The following CABP1 variants were observed in gnomAD, a reference collection of about 807,000 sequenced individuals.
CABP1 encodes calcium-binding protein 1.
CABP1 carries 17 observed loss-of-function variants against 34.3 expected under a neutral mutation model. The ratio of observed to expected loss-of-function variants is 0.50; its 90% confidence interval spans 0.34 to 0.74. CABP1 has a LOEUF of 0.74. Ranked by LOEUF, CABP1 falls within the 30% of genes least tolerant of loss-of-function variation. The probability of loss-of-function intolerance (pLI) is 0.01; values close to 1 mark genes in which losing one functional copy is unlikely to be tolerated. For missense variants in CABP1, 373 were observed against 511.1 expected (o/e 0.73, Z 2.61); for synonymous variants, 198 against 229.2 (o/e 0.86, Z 1.23).
chr12:120,655,830 C>CGTGTGT (rs746144300), intron 1 of CABP1: 7 of 879,630 alleles, frequency 8.0e-6, no homozygotes, highest in East Asian at 1.5e-4. Context: ...TGCGTGCGTG[C>CGTGTGT]GTGTGTGTGT....
intron 5 of CABP1, 99 bp from the exon 6 acceptor site, chr12:120,666,776 C>T: frequency 7.6e-7 from 1 of 1,309,426 alleles, no homozygotes; most frequent in Non-Finnish European, 1.1e-6. Flanking sequence ...GGGACCAGCA[C>T]AGAGTTGGGG....
downstream of CABP1, among the ~76,000 whole-genome samples, chr12:120,671,158 C>G (rs1001065482): frequency 2.0e-5 from 3 of 152,192 alleles, no homozygotes; most frequent in African/African-American, 7.2e-5. Flanking sequence ...GCAATCCCAG[C>G]ACTTCGGGAG....
downstream of CABP1, among the ~76,000 whole-genome samples, chr12:120,668,355 G>A (rs1488042806): frequency 1.3e-5 from 2 of 152,216 alleles, no homozygotes; most frequent in African/African-American, 4.8e-5. Flanking sequence ...GCCGGGCGTG[G>A]TGGCATGCAC....
chr12:120,677,845 C>A, the CABP1 span, among the ~76,000 whole-genome samples: 1 of 152,208 alleles, frequency 6.6e-6, no homozygotes, highest in South Asian at 2.1e-4. Flanking sequence ...CTTGTTTTTT[C>A]TGTTCTCTGC....
chr12:120,675,825 C>T, the CABP1 span, among the ~76,000 whole-genome samples: 5 of 152,266 alleles, frequency 3.3e-5, no homozygotes, highest in African/African-American at 4.8e-5. Context: ...CCTGTAATCC[C>T]GGCACTTTGG....
chr12:120,663,279 TA>T (rs1224137646), intron 5 of CABP1, among the ~76,000 whole-genome samples: 15 of 152,114 alleles, frequency 9.9e-5, no homozygotes, highest in Admixed American at 2.6e-4. Flanking sequence ...TTTATTTATT[TA>T]TTTATTTATT....
the CABP1 span, among the ~76,000 whole-genome samples, chr12:120,673,311 G>A: frequency 2.0e-5 from 3 of 152,240 alleles, no homozygotes; most frequent in East Asian, 3.9e-4. Flanking sequence ...AAGGCCTGGC[G>A]TGGTGGCTCA....
chr12:120,665,526 C>T (rs1483821639), intron 5 of CABP1, among the ~76,000 whole-genome samples: 2 of 152,046 alleles, frequency 1.3e-5, no homozygotes, highest in African/African-American at 4.8e-5. Flanking sequence ...TGTACATCGC[C>T]AACAATGAAC....
chr12:120,654,650 AGAGTGCAGGCCGAAGG>A (rs1880053249), intron 1 of CABP1, among the ~76,000 whole-genome samples: 1 of 808 alleles, frequency 1.2e-3, no homozygotes, highest in Non-Finnish European at 2.9e-3. Context: ...GGCCGAAGGC[AGAGTGCAGGCCGAAGG>A]CAGAGTGCAG....
chr12:120,679,537 T>A, the CABP1 span, among the ~76,000 whole-genome samples: 1 of 152,236 alleles, frequency 6.6e-6, no homozygotes, highest in South Asian at 2.1e-4. Flanking sequence ...GAAATTTTGG[T>A]GAATTTTGGG....
chr12:120,678,978 C>A, the CABP1 span, among the ~76,000 whole-genome samples: 1 of 141,178 alleles, frequency 7.1e-6, no homozygotes, highest in Non-Finnish European at 1.5e-5. Flanking sequence ...GAGGCTGAGA[C>A]AGGAGAATCA....
intron 1 of CABP1, among the ~76,000 whole-genome samples, chr12:120,642,566 C>T (rs770410439): frequency 6.6e-6 from 1 of 152,072 alleles, no homozygotes; most frequent in Non-Finnish European, 1.5e-5. Flanking sequence ...AGGGAGCCCT[C>T]GTTAGCCGAG....
the CABP1 span, among the ~76,000 whole-genome samples, chr12:120,677,863 A>G: frequency 2.0e-5 from 3 of 152,286 alleles, no homozygotes; most frequent in South Asian, 4.1e-4. Context: ...TGCCTAGACA[A>G]TGAGCACACT....
chr12:120,675,569 G>T, the CABP1 span, among the ~76,000 whole-genome samples: 3,120 of 152,280 alleles, frequency 0.02, 209 homozygotes, highest in East Asian at 0.26. Context: ...TCTTTTGAAG[G>T]AAGGACAGAA....
chr12:120,643,068 C>T (rs1002748091), intron 1 of CABP1, among the ~76,000 whole-genome samples: 11 of 150,242 alleles, frequency 7.3e-5, no homozygotes, highest in South Asian at 4.2e-4. Flanking sequence ...TTCTGAGCTC[C>T]GAGCATTGTA....
At chr12:120,642,995 G>GA (rs55874841) in intron 1 of CABP1, among the ~76,000 whole-genome samples, 91 of 69,494 alleles carry the variant, frequency 1.3e-3, no homozygotes, top group Non-Finnish European at 1.2e-3. Context: ...CTCAGCTCCT[G>GA]AAAAAAAAAA....
At chr12:120,648,898 A>G (rs908782542) in intron 1 of CABP1, among the ~76,000 whole-genome samples, 2 of 150,686 alleles carry the variant, frequency 1.3e-5, no homozygotes, top group Non-Finnish European at 3.0e-5. Flanking sequence ...AAAAAAAAGA[A>G]GCTGGCAGAG....
At chr12:120,670,196 C>T (rs1278480119), downstream of CABP1, among the ~76,000 whole-genome samples, 3 of 152,148 alleles carry the variant, frequency 2.0e-5, no homozygotes, top group Non-Finnish European at 4.4e-5. Flanking sequence ...GGGTCTCAAT[C>T]TGTTGTCCAG....
intron 1 of CABP1, among the ~76,000 whole-genome samples, chr12:120,642,225 GAC>G (rs1454112539): frequency 6.6e-6 from 1 of 152,164 alleles, no homozygotes; most frequent in Non-Finnish European, 1.5e-5. Context: ...ACAGCTTTGA[GAC>G]AGTTCTGTGG....
Sources: gnomAD v4.1 joint callset for allele counts (sites outside exome capture counted in the v4.1 genomes callset) on GRCh38, gnomAD v4.1.1 for gene constraint, MANE v1.5 for transcripts, NCBI Gene and HGNC (gene_info 2026-07-23, HGNC 2026-07-21) for gene names.